Variants in STK3 observed in about 807,000 individuals in gnomAD.
The protein encoded by STK3 is serine/threonine-protein kinase 3.
STK3 carries 41 observed loss-of-function variants against 58.0 expected under a neutral mutation model. The ratio of observed to expected loss-of-function variants is 0.71; its 90% CI spans 0.55 to 0.92. STK3 has a LOEUF of 0.92. Ranked by LOEUF, STK3 falls within the 40% of genes least tolerant of loss-of-function variation. STK3 has a pLI of 0.00. For synonymous variants in STK3, 170 were observed against 191.0 expected (o/e 0.89, Z 0.91); for missense variants, 479 against 602.7 (o/e 0.79, Z 2.15).
At chr8:98,881,421 T>C (rs534958762), downstream of STK3, 2 of 152,334 alleles carry the variant, frequency 1.3e-5, no homozygotes, top group South Asian at 4.1e-4. Flanking sequence ...GCAGTAAAAC[T>C]CTTCTGTCCG....
At chr8:98,380,716 A>T (rs1352779155) in intron 1 of STK3, among the ~76,000 whole-genome samples, 1 of 152,188 alleles carries the variant, frequency 6.6e-6, no homozygotes, top group African/African-American at 2.4e-5. Flanking sequence ...TCCATGAAAA[A>T]TTTGCATTTC....
rs550451735 is a variant in STK3, at chr8:98,766,529, C to T, written c.236+714G>A. ...AACTCCTGGGCTCAAACAATCCTCC[C>T]GCCTCAGCTTCCCAAGTAGCTAGAA... On this transcript the variant is annotated intron_variant, in intron 3 of 10. Coordinates refer to ENST00000419617, the MANE Select transcript of STK3 (RefSeq NM_006281.4). Among the ~76,000 whole-genome samples, 196 of 152,094 alleles carry T rather than the reference C, an allele frequency of 1.3e-3. 2 individuals are homozygous for T. The highest frequency in any genetic ancestry group is 1.9e-3 in the Non-Finnish European group (129 of 67,982).
chr8:98,542,744 A>G (rs1171554002), intron 9 of STK3, among the ~76,000 whole-genome samples: 4 of 152,232 alleles, frequency 2.6e-5, no homozygotes, highest in Non-Finnish European at 5.9e-5. Context: ...TTTATTGATT[A>G]TCAACTATAT....
intron 6 of STK3, among the ~76,000 whole-genome samples, chr8:98,613,230 T>C (rs1320109167): frequency 6.6e-6 from 1 of 152,152 alleles, no homozygotes; most frequent in East Asian, 1.9e-4. Context: ...TAAAGTAATG[T>C]CATAAACATT....
intron 6 of STK3, among the ~76,000 whole-genome samples, chr8:98,617,509 T>G (rs1817855204): frequency 6.8e-6 from 1 of 147,468 alleles, no homozygotes; most frequent in African/African-American, 2.5e-5. Flanking sequence ...CTTCAAAAAA[T>G]CAATGAATCC....
intron 3 of STK3, among the ~76,000 whole-genome samples, chr8:98,423,665 A>G (rs1186816602): frequency 1.3e-5 from 2 of 152,110 alleles, no homozygotes; most frequent in Non-Finnish European, 2.9e-5. Flanking sequence ...GGCGGAAAGC[A>G]CCTCTGTGCT....
At chr8:98,526,229 C>T (rs918493299) in intron 10 of STK3, among the ~76,000 whole-genome samples, 13 of 151,878 alleles carry the variant, frequency 8.6e-5, no homozygotes, top group African/African-American at 3.1e-4. Context: ...GGTGATAAGG[C>T]AGTTTTATAC....
intron 10 of STK3, among the ~76,000 whole-genome samples, chr8:98,514,495 G>A (rs1162198108): frequency 6.6e-6 from 1 of 151,504 alleles, no homozygotes; most frequent in Non-Finnish European, 1.5e-5. Flanking sequence ...TATTCTTTAA[G>A]TTCAAGCATA....
At chr8:98,482,959 G>A (rs1385473502) in intron 10 of STK3, among the ~76,000 whole-genome samples, 1 of 152,132 alleles carries the variant, frequency 6.6e-6, no homozygotes, top group Non-Finnish European at 1.5e-5. Context: ...AAAGCATACG[G>A]ATTTTATAAT....
chr8:98,764,000 C>A (rs897376061), intron 3 of STK3, among the ~76,000 whole-genome samples: 3 of 152,140 alleles, frequency 2.0e-5, no homozygotes, highest in Non-Finnish European at 4.4e-5. Flanking sequence ...CTAGTCCTAT[C>A]TTTTAGCATT....
At chr8:98,639,474 T>C (rs1347670134) in intron 6 of STK3, among the ~76,000 whole-genome samples, 1 of 152,220 alleles carries the variant, frequency 6.6e-6, no homozygotes, top group Non-Finnish European at 1.5e-5. Flanking sequence ...TCAGTTTCAA[T>C]GTTGAAATGT....
intron 4 of STK3, among the ~76,000 whole-genome samples, chr8:98,747,080 C>T (rs1440232609): frequency 7.8e-6 from 1 of 128,974 alleles, no homozygotes; most frequent in South Asian, 2.6e-4. Flanking sequence ...AAAATAACAA[C>T]ATTTTCACCA....
At chr8:98,444,701 G>C (rs1818861685) in intron 1 of STK3, among the ~76,000 whole-genome samples, 1 of 152,166 alleles carries the variant, frequency 6.6e-6, no homozygotes, top group Non-Finnish European at 1.5e-5. Flanking sequence ...ATGGCGTTTG[G>C]TCATGTTGAA....
intron 7 of STK3, 178 bp downstream of exon 7, chr8:98,595,854 G>T: frequency 1.8e-6 from 1 of 548,970 alleles, no homozygotes; most frequent in African/African-American, 1.9e-5. Flanking sequence ...GTTTTAAAAT[G>T]ACTCTGGGGG....
At chr8:98,404,875 T>C (rs1274157243) in intron 3 of STK3, among the ~76,000 whole-genome samples, 1 of 151,924 alleles carries the variant, frequency 6.6e-6, no homozygotes, top group Non-Finnish European at 1.5e-5. Context: ...AAAATAAAAC[T>C]TGACTGTAGG....
chr8:98,649,899 G>A (rs2130689085), intron 6 of STK3, among the ~76,000 whole-genome samples: 1 of 152,264 alleles, frequency 6.6e-6, no homozygotes, highest in East Asian at 1.9e-4. Context: ...CCAGTGTAAT[G>A]TCTTTCAATT....
intron 6 of STK3, among the ~76,000 whole-genome samples, chr8:98,646,840 C>T (rs117183669): frequency 0.017 from 2,595 of 152,306 alleles, 30 homozygotes; most frequent in South Asian, 0.032. Context: ...TGTTACCAAC[C>T]TAACACATGC....
intron 1 of STK3, among the ~76,000 whole-genome samples, chr8:98,920,568 G>A (rs1021981425): frequency 3.3e-5 from 5 of 152,222 alleles, no homozygotes; most frequent in Admixed American, 6.5e-5. Flanking sequence ...TGGTGCAGCC[G>A]TTGTTTGGAC....
intron 6 of STK3, among the ~76,000 whole-genome samples, chr8:98,619,202 C>T (rs1405833064): frequency 4.0e-5 from 6 of 150,202 alleles, no homozygotes; most frequent in Non-Finnish European, 7.4e-5. Context: ...CTGAGAAAAA[C>T]AAGCAATGGG....
Sources: allele counts gnomAD v4.1 joint callset (sites outside exome capture counted in the v4.1 genomes callset), GRCh38; gene constraint gnomAD v4.1.1; transcripts MANE v1.5; gene names NCBI Gene and HGNC (gene_info 2026-07-23, HGNC 2026-07-21).